Variants in MYT1L observed in about 807,000 individuals in gnomAD.
MYT1L encodes the protein myelin transcription factor 1 like, also known as myelin transcription factor 1-like protein.
Under a neutral mutation model 126.7 loss-of-function variants are expected in MYT1L, and 12 were observed. That is an observed-to-expected ratio of 0.09 (90% CI 0.06 to 0.15). The LOEUF (loss-of-function observed/expected upper bound fraction) is 0.15. MYT1L is among the 10% of genes least tolerant of loss of function. The pLI is 1.00. For missense variants in MYT1L, 979 were observed against 1,585.2 expected (o/e 0.62, Z 6.49); for synonymous variants, 541 against 604.2 (o/e 0.90, Z 1.53).
At chr2:2,151,011 T>C (rs1016023625) in intron 3 of MYT1L, among the ~76,000 whole-genome samples, 7 of 152,110 alleles carry the variant, frequency 4.6e-5, no homozygotes, top group African/African-American at 1.7e-4. Flanking sequence ...TCAGTTAGGA[T>C]GTCAAAGTTT....
In MYT1L at chr2:2,125,610, AC is replaced by A. The variant is rs199999349; in HGVS notation, c.-304+47261del. ...GTGTATGAAGACATGGTCCTTGAAT[AC>A]CCAAGCTCAATAAAAAAGGCAAATT... On this transcript the variant is annotated intron_variant, in intron 3 of 24. Transcript: ENST00000647738. Among the ~76,000 whole-genome samples, 4 of 152,292 alleles carry A rather than the reference AC, an allele frequency of 2.6e-5. No homozygotes were observed. The East Asian group carries it at 5.8e-4, about 22-fold the overall frequency.
At chr2:1,945,359 G>A (rs1470661241) in intron 8 of MYT1L, among the ~76,000 whole-genome samples, 2 of 152,184 alleles carry the variant, frequency 1.3e-5, no homozygotes. Context: ...ATGTTCAGGT[G>A]GGGACTGGGA....
rs1324543505 is a variant in MYT1L, at chr2:2,185,996, AGGCCTTCCG to A, written c.-420-13017_-420-13009del. Among the ~76,000 whole-genome samples, 102 of 58,206 alleles carry A rather than the reference AGGCCTTCCG, an allele frequency of 1.8e-3. 3 individuals are homozygous for A. The highest frequency in any genetic ancestry group is 7.3e-3 in the African/African-American group (84 of 11,448). The allele number at this position is 58,206 out of a possible 152,430, so 38.2% of individuals were successfully genotyped here. A position where few individuals can be genotyped will look rare whatever the true frequency, so the allele number is the denominator to read the frequency against. ...TTCCTTCCTTGAGGGGGACGCAGCC[AGGCCTTCCG>A]GGCCTTCCCGAGTCCCGCGTTCCTT... On this transcript the variant is annotated intron_variant, in intron 2 of 24. Transcript: ENST00000647738.
chr2:2,320,485 A>G (rs980923651), intron 1 of MYT1L, among the ~76,000 whole-genome samples: 39 of 151,918 alleles, frequency 2.6e-4, no homozygotes, highest in African/African-American at 8.2e-4. Flanking sequence ...CTAGAAAAAA[A>G]AAAAAGAAAA....
At chr2:2,251,619 G>C (rs1253256908) in intron 2 of MYT1L, among the ~76,000 whole-genome samples, 1 of 152,156 alleles carries the variant, frequency 6.6e-6, no homozygotes, top group Non-Finnish European at 1.5e-5. Context: ...CAAGTGTGCT[G>C]TGTTTATTAA....
chr2:2,116,890 C>T (rs1243566253), intron 3 of MYT1L, among the ~76,000 whole-genome samples: 2 of 152,228 alleles, frequency 1.3e-5, no homozygotes, highest in East Asian at 3.9e-4. Context: ...CCATCCTGGG[C>T]ATCAGCCCAG....
chr2:1,956,426 CTATCTATCTATCTACCTATCATCT>C (rs2058410326), intron 8 of MYT1L, among the ~76,000 whole-genome samples: 1 of 133,034 alleles, frequency 7.5e-6, no homozygotes, highest in East Asian at 2.6e-4. Flanking sequence ...ATCTATCTAT[CTATCTATCTATCTACCTATCATCT>C]ATCTATCCTA....
intron 19 of MYT1L, among the ~76,000 whole-genome samples, chr2:1,850,777 C>T (rs529973849): frequency 2.6e-5 from 4 of 152,204 alleles, no homozygotes; most frequent in African/African-American, 4.8e-5. Context: ...CCATCAAGTC[C>T]GTCTGGCCAG....
chr2:1,955,732 T>C (rs2058285346), intron 8 of MYT1L, among the ~76,000 whole-genome samples: 1 of 152,254 alleles, frequency 6.6e-6, no homozygotes, highest in Admixed American at 6.5e-5. Context: ...GTCTGCACTT[T>C]TTTGTTGAAG....
chr2:2,274,550 T>C (rs923440448), intron 2 of MYT1L, among the ~76,000 whole-genome samples: 2 of 152,138 alleles, frequency 1.3e-5, no homozygotes, highest in African/African-American at 4.8e-5. Flanking sequence ...ATTGGAAGAT[T>C]TTGTTTCAGG....
rs779808153 is a variant in MYT1L at position 1,791,850 on chromosome 2, A to G, written c.*17T>C. 3 of 1,539,910 alleles carry G rather than the reference A, an allele frequency of 1.9e-6. No homozygotes were observed. The highest frequency in any genetic ancestry group is 1.3e-5 in the South Asian group (1 of 78,524). ...GGCATCCTTTTTAAGCAAGAGTTTCATCACTACAGCAGCTGTTCAGACCTG... is the reference window on the plus strand; with the variant it reads ...GGCATCCTTTTTAAGCAAGAGTTTCGTCACTACAGCAGCTGTTCAGACCTG... On this transcript the variant is annotated 3_prime_UTR_variant, in exon 25 of 25. Coordinates refer to ENST00000647738, the MANE Select transcript of MYT1L (RefSeq NM_001303052.2). This position sits in a 1 kb window ranked among gnomAD's most constrained non-coding sequence, Gnocchi z 6.0.
In MYT1L at chr2:2,290,246, C is replaced by T. The variant is rs112055066; in HGVS notation, c.-520-5743G>A. 9.0e-3 allele frequency among the ~76,000 whole-genome samples: 1,376 copies of T among 152,254 alleles called. 11 individuals are homozygous for T. The highest frequency in any genetic ancestry group is 0.015 in the Non-Finnish European group (1,022 of 68,010). On this transcript the variant is annotated intron_variant, in intron 1 of 24. Transcript: ENST00000647738. Reference sequence around the variant, plus strand: ...CACCCCCAACCTCTGATGGAGCAAACGTTTATCTGCAAGGAGAGGGAGCTG... The same window carrying T: ...CACCCCCAACCTCTGATGGAGCAAATGTTTATCTGCAAGGAGAGGGAGCTG...
chr2:2,275,487 G>A (rs992747903), intron 2 of MYT1L, among the ~76,000 whole-genome samples: 14 of 152,056 alleles, frequency 9.2e-5, no homozygotes, highest in Non-Finnish European at 1.8e-4. Flanking sequence ...CCAGTTGGGC[G>A]ATTTGGATGC....
intron 3 of MYT1L, among the ~76,000 whole-genome samples, chr2:2,159,558 A>AC (rs998916623): frequency 1.3e-5 from 2 of 151,806 alleles, no homozygotes; most frequent in African/African-American, 2.4e-5. Context: ...TCAGACCAGC[A>AC]CCCTCTTCAC....
chr2:1,860,709 G>A (rs189382534), intron 18 of MYT1L, among the ~76,000 whole-genome samples: 2 of 152,278 alleles, frequency 1.3e-5, no homozygotes, highest in South Asian at 2.1e-4. Flanking sequence ...TTATTAGATG[G>A]TCTGGAGATG....
chr2:2,059,188 G>T lies in MYT1L; in HGVS notation c.-303-5065C>A, dbSNP rs534921584. Among the ~76,000 whole-genome samples the T allele has an allele frequency of 8.5e-5, 13 of 152,316 alleles. No homozygotes were observed. Among genetic ancestry groups the T allele is most frequent in the African/African-American group, 2.9e-4 (12 of 41,570 alleles). On this transcript the variant is annotated intron_variant, in intron 3 of 24. Coordinates refer to ENST00000647738, the MANE Select transcript of MYT1L (RefSeq NM_001303052.2). The surrounding 1 kb of genome is among the most constrained non-coding windows in gnomAD (Gnocchi z 4.7). ...GTTCCCATTTCTCTGAACAAAGGGT[G>T]CCTGGCTGAGTGGGCCTGCAGTGGC...
chr2:1,894,243 T>G (rs1326881590), intron 14 of MYT1L, among the ~76,000 whole-genome samples: 1 of 152,130 alleles, frequency 6.6e-6, no homozygotes, highest in African/African-American at 2.4e-5. Flanking sequence ...GCCCCTCCTC[T>G]AGGGAGCCCA....
At position 1,844,242 on chromosome 2, in the gene MYT1L, A is replaced by G. The variant is rs1393333197; in HGVS notation, c.2775-3399T>C. Reference sequence around the variant, plus strand: ...CAGCACTGAACACCCCCAGGAGTCCAGGGCCCCCCGCAGCACCCTGTTCTC... The same window carrying G: ...CAGCACTGAACACCCCCAGGAGTCCGGGGCCCCCCGCAGCACCCTGTTCTC... On this transcript the variant is annotated intron_variant, in intron 19 of 24. Transcript: ENST00000647738. Among the ~76,000 whole-genome samples the G allele has an allele frequency of 7.9e-5, 12 of 152,130 alleles. 1 individual carries two copies. The highest frequency in any genetic ancestry group is 7.9e-4 in the Admixed American group (12 of 15,278).
At chr2:2,136,663 C>A (rs1294726344) in intron 3 of MYT1L, among the ~76,000 whole-genome samples, 2 of 152,138 alleles carry the variant, frequency 1.3e-5, no homozygotes, top group African/African-American at 4.8e-5. Flanking sequence ...ATTATTCTTA[C>A]TGTTTAGATT....
Sources: gnomAD v4.1 joint callset for allele counts (sites outside exome capture counted in the v4.1 genomes callset) on GRCh38, gnomAD v4.1.1 for gene constraint, Gnocchi (gnomAD v3.1) non-coding constraint, MANE v1.5 for transcripts, NCBI Gene and HGNC (gene_info 2026-07-23, HGNC 2026-07-21) for gene names.